OGFOD3: variants seen among roughly 807,000 people sequenced by gnomAD.
The protein encoded by OGFOD3 is 2-oxoglutarate and iron-dependent oxygenase domain-containing protein 3.
Under a neutral mutation model 39.8 loss-of-function variants are expected in OGFOD3, and 35 were observed. The observed-to-expected ratio is 0.88, with a 90% CI of 0.67 to 1.17. The LOEUF (loss-of-function observed/expected upper bound fraction) is 1.17. Ranked by LOEUF, OGFOD3 falls within the 50% of genes most tolerant of loss-of-function variation. The pLI, the probability that OGFOD3 is intolerant of heterozygous loss-of-function variation, is 0.00. For missense variants in OGFOD3, 438 were observed against 454.5 expected (o/e 0.96, Z 0.33); for synonymous variants, 200 against 192.0 (o/e 1.04, Z -0.34).
In OGFOD3 at chr17:82,415,253, C is replaced by T. The variant is rs1331325648; in HGVS notation, c.304+145G>A. 7.4e-6 allele frequency: 6 copies of T among 816,280 alleles called. No homozygotes were observed. The highest frequency in any genetic ancestry group is 3.4e-5 in the African/African-American group (2 of 58,674). 50.6% of individuals were successfully genotyped at this position (816,280 alleles called of 1,614,324 possible). On this transcript the variant is annotated intron_variant, in intron 2 of 8. Transcript: ENST00000313056. This position sits in a 1 kb window ranked among gnomAD's most constrained non-coding sequence, Gnocchi z 5.3. Reference sequence around the variant, plus strand: ...CGAAACACCTGCACTCCCAGTCAGACGTGGACTAGCCAGCCTGCAGGAGGG... The same window carrying T: ...CGAAACACCTGCACTCCCAGTCAGATGTGGACTAGCCAGCCTGCAGGAGGG...
At chr17:82,405,402 C>T in intron 5 of OGFOD3, 22 bp from the exon 6 acceptor site, 3 of 1,593,772 alleles carry the variant, frequency 1.9e-6, no homozygotes, top group Non-Finnish European at 2.6e-6. Flanking sequence ...GGAGTATTCA[C>T]AAAGGTCACA....
In OGFOD3 at chr17:82,390,773, CACCAT is replaced by C; in HGVS notation, c.*1620_*1624del. ...CTCACGCCCGCTCCTTCCCAGGGGT[CACCAT>C]GCCTCAGCTGGCCTCACGCCCGCTC... is the stretch of plus-strand genomic sequence containing the variant. On this transcript the variant is annotated 3_prime_UTR_variant, in exon 9 of 9. Transcript: ENST00000313056. The surrounding 1 kb of genome is among the most constrained non-coding windows in gnomAD (Gnocchi z 4.9). 6.3e-6 allele frequency: 1 copy of C among 158,686 alleles called. No homozygotes were observed. The highest frequency in any genetic ancestry group is 1.4e-5 in the Non-Finnish European group (1 of 72,074). The allele number at this position is 158,686 out of a possible 1,614,324, so 9.8% of individuals were successfully genotyped here. A position where few individuals can be genotyped will look rare whatever the true frequency, so the allele number is the denominator to read the frequency against.
chr17:82,415,498 G>C lies in OGFOD3; in HGVS notation c.204C>G (p.Asp68Glu). 6.2e-7 allele frequency: 1 copy of C among 1,613,666 alleles called. No homozygotes were observed. Among genetic ancestry groups the C allele is most frequent in the Non-Finnish European group, 8.5e-7 (1 of 1,179,928 alleles). Residue 68 changes from aspartate (D) to glutamate (E), a missense_variant, in exon 2 of 9, where the codon GAC (aspartate) becomes GAG (glutamate). Physicochemically the swap from Asp to Glu is conservative, Grantham distance 45. Coordinates refer to ENST00000313056, the MANE Select transcript of OGFOD3 (RefSeq NM_024648.3). The surrounding 1 kb of genome is among the most constrained non-coding windows in gnomAD (Gnocchi z 5.3). ...LLLWSSLGAD[D>E]GVAEVLARRG... ...GGCGGGCCAGGACCTCTGCGACCCCGTCGTCGGCCCCCAAGCTGCTCCAGA... is the reference window on the plus strand; with the variant it reads ...GGCGGGCCAGGACCTCTGCGACCCCCTCGTCGGCCCCCAAGCTGCTCCAGA...
intron 1 of OGFOD3, among the ~76,000 whole-genome samples, chr17:82,417,837 C>T (rs1452952057): frequency 2.0e-5 from 3 of 152,194 alleles, no homozygotes; most frequent in Admixed American, 2.0e-4. Flanking sequence ...GGGAATTGGG[C>T]ACTCCCCAAA....
chr17:82,394,945 C>A lies in OGFOD3; in HGVS notation c.824-2411G>T, dbSNP rs74001663. Among the ~76,000 whole-genome samples the A allele has an allele frequency of 3.9e-3, 594 of 152,358 alleles. 4 individuals carry two copies. Among genetic ancestry groups the A allele is most frequent in the African/African-American group, 0.014 (574 of 41,584 alleles). On this transcript the variant is annotated intron_variant, in intron 8 of 8. Transcript: ENST00000313056. ...GGAGAACTAAGAGCTGTTGACCCAA[C>A]TCCGGGAGAAGACAGTGGGAAGCTC...
intron 2 of OGFOD3, among the ~76,000 whole-genome samples, chr17:82,412,660 C>T (rs1354876506): frequency 1.3e-5 from 2 of 152,056 alleles, no homozygotes; most frequent in Admixed American, 6.6e-5. Context: ...GAGGCAGCAT[C>T]GCACAGATGC....
Position 82,391,173 on chromosome 17 carries a change from C to T in OGFOD3, c.*1225G>A, listed in dbSNP as rs1053127099. On this transcript the variant is annotated 3_prime_UTR_variant, in exon 9 of 9. Coordinates refer to ENST00000313056, the MANE Select transcript of OGFOD3 (RefSeq NM_024648.3). The surrounding 1 kb of genome is among the most constrained non-coding windows in gnomAD (Gnocchi z 5.1). ...AGGGCATCCAGGAGAGCCCAGCTTCCAACACCACTCAGGGTGGGCGGCCGT... is the reference window on the plus strand; with the variant it reads ...AGGGCATCCAGGAGAGCCCAGCTTCTAACACCACTCAGGGTGGGCGGCCGT... The T allele has an allele frequency of 6.5e-6, 1 of 153,108 alleles. No homozygotes were observed. Among genetic ancestry groups the T allele is most frequent in the African/African-American group, 2.4e-5 (1 of 41,460 alleles). The allele number at this position is 153,108 out of a possible 1,614,324, so 9.5% of individuals were successfully genotyped here.
intron 7 of OGFOD3, chr17:82,400,672 A>C (rs1027428818): frequency 6.6e-6 from 1 of 152,034 alleles, no homozygotes; most frequent in Non-Finnish European, 1.5e-5. Context: ...ATGACTTTTA[A>C]ATCTTGTAGG....
intron 3 of OGFOD3, among the ~76,000 whole-genome samples, chr17:82,409,987 C>T (rs1381672314): frequency 6.6e-6 from 1 of 152,268 alleles, no homozygotes; most frequent in African/African-American, 2.4e-5. Flanking sequence ...CTGGGCCAAG[C>T]TCAGGAGCCT....
rs773422627 is a variant in OGFOD3 at position 82,418,460 on chromosome 17, G to A, written c.26C>T (p.Thr9Ile). The change falls in exon 1 of 9, where the codon ACC becomes ATC. Residue 9 changes from threonine (T) to isoleucine (I), a missense_variant. Coordinates refer to ENST00000313056, the MANE Select transcript of OGFOD3 (RefSeq NM_024648.3). MAPQRRAA[T>I]KAPEGNGAAE... is the part of the protein sequence containing the mutation. The stretch of plus-strand genomic sequence containing the variant: ...CGCTCCGTTGCCCTCGGGCGCCTTG[G>A]TTGCGGCCCTCCGCTGAGGAGCCAT... 150 of 1,474,938 alleles carry A rather than the reference G, an allele frequency of 1.0e-4. 4 individuals carry two copies. The South Asian group carries it at 1.7e-3, about 17-fold the overall frequency. 91.4% of individuals were successfully genotyped at this position (1,474,938 alleles called of 1,614,324 possible). A position where few individuals can be genotyped will look rare whatever the true frequency, so the allele number is the denominator to read the frequency against.
chr17:82,390,665 C>A lies in OGFOD3; in HGVS notation c.*1733G>T. On this transcript the variant is annotated 3_prime_UTR_variant, in exon 9 of 9. Transcript: ENST00000313056. The surrounding 1 kb of genome is among the most constrained non-coding windows in gnomAD (Gnocchi z 4.9). The stretch of plus-strand genomic sequence containing the variant: ...TCCCACGCCGTCCTCCGCATGTGGC[C>A]CGTGGTGCAGGAGGGGCCCTGGGCA... The A allele has an allele frequency of 5.4e-6, 1 of 183,548 alleles. No individual in the cohort carries two copies. 11.4% of individuals were successfully genotyped at this position (183,548 alleles called of 1,614,324 possible).
chr17:82,407,220 G>A (rs986375419), intron 4 of OGFOD3, among the ~76,000 whole-genome samples: 16 of 151,654 alleles, frequency 1.1e-4, no homozygotes, highest in Non-Finnish European at 2.2e-4. Context: ...AGCCGAGATC[G>A]TGCCATTGCA....
chr17:82,416,669 A>G (rs556072504), intron 1 of OGFOD3, among the ~76,000 whole-genome samples: 1 of 114,000 alleles, frequency 8.8e-6, no homozygotes, highest in East Asian at 4.2e-4. Flanking sequence ...TTTTATTTTT[A>G]TTTATTATTT....
intron 2 of OGFOD3, among the ~76,000 whole-genome samples, chr17:82,413,879 A>C (rs76092594): frequency 1.7e-5 from 1 of 60,372 alleles, no homozygotes; most frequent in Non-Finnish European, 3.3e-5. Flanking sequence ...CACTCTGTCC[A>C]AAAAAAAAAA....
intron 4 of OGFOD3, 88 bp downstream of exon 4, chr17:82,409,280 C>A: frequency 2.2e-6 from 3 of 1,379,286 alleles, no homozygotes; most frequent in Non-Finnish European, 3.1e-6. Flanking sequence ...CGCAGGGAAC[C>A]CTGCATGTCT....
At chr17:82,398,075 C>A in intron 8 of OGFOD3, 121 bp downstream of exon 8, 1 of 1,276,832 alleles carries the variant, frequency 7.8e-7, no homozygotes, top group Non-Finnish European at 1.1e-6. Flanking sequence ...CACTCAGCAC[C>A]GGCCCGGCAC....
At chr17:82,399,802 G>A (rs1289664564) in intron 7 of OGFOD3, among the ~76,000 whole-genome samples, 3 of 152,192 alleles carry the variant, frequency 2.0e-5, no homozygotes, top group Admixed American at 6.5e-5. Flanking sequence ...ACGCCCTGGG[G>A]GTGAAAGGTG....
intron 3 of OGFOD3, among the ~76,000 whole-genome samples, chr17:82,411,111 G>C (rs1050658117): frequency 6.7e-6 from 1 of 149,534 alleles, no homozygotes; most frequent in Non-Finnish European, 1.5e-5. Flanking sequence ...CAGTGGTGCA[G>C]TCTTGGCTCA....
At chr17:82,417,172 G>A (rs1307427986) in intron 1 of OGFOD3, 2 of 152,196 alleles carry the variant, frequency 1.3e-5, no homozygotes, top group Admixed American at 1.3e-4. Context: ...TTGGGAGAAG[G>A]TAGAATACTT....
Sources: allele counts gnomAD v4.1 joint callset (sites outside exome capture counted in the v4.1 genomes callset), GRCh38; gene constraint gnomAD v4.1.1; non-coding constraint Gnocchi (gnomAD v3.1); transcripts MANE v1.5; gene names NCBI Gene and HGNC (gene_info 2026-07-23, HGNC 2026-07-21).